The following RAD51B variants were observed in gnomAD, a reference collection of about 807,000 sequenced individuals.
The protein encoded by RAD51B is RAD51 paralog B, also known as DNA repair protein RAD51 homolog 2.
RAD51B carries 38 observed loss-of-function variants against 42.2 expected under a neutral mutation model. That is an observed-to-expected ratio of 0.90 (90% CI 0.70 to 1.18). RAD51B has a LOEUF of 1.18. Ranked by LOEUF, RAD51B falls within the 50% of genes most tolerant of loss-of-function variation. The pLI, the probability that RAD51B is intolerant of heterozygous loss-of-function variation, is 0.00. For missense variants in RAD51B, 373 were observed against 400.7 expected (o/e 0.93, Z 0.59); for synonymous variants, 154 against 145.2 (o/e 1.06, Z -0.43).
At chr14:68,264,380 C>T (rs1002268949) in intron 7 of RAD51B, among the ~76,000 whole-genome samples, 1 of 152,210 alleles carries the variant, frequency 6.6e-6, no homozygotes, top group Non-Finnish European at 1.5e-5. Flanking sequence ...AGACTCCTGA[C>T]GGTATCCAAG....
intron 8 of RAD51B, among the ~76,000 whole-genome samples, chr14:68,392,971 G>A (rs1406542550): frequency 6.6e-6 from 1 of 152,182 alleles, no homozygotes; most frequent in East Asian, 1.9e-4. Context: ...TTTAGTTCCA[G>A]TTCTGCCTCT....
intron 7 of RAD51B, among the ~76,000 whole-genome samples, chr14:68,010,151 C>T (rs1246557943): frequency 6.6e-6 from 1 of 151,882 alleles, no homozygotes; most frequent in South Asian, 2.1e-4. Context: ...TCCCATAATC[C>T]ATTGAATTAA....
chr14:68,569,177 C>G (rs1889569842), intron 10 of RAD51B, among the ~76,000 whole-genome samples: 1 of 152,190 alleles, frequency 6.6e-6, no homozygotes, highest in African/African-American at 2.4e-5. Context: ...CGGGAAAGTC[C>G]CTGCAGGGAG....
chr14:68,019,748 A>T (rs893849267), intron 7 of RAD51B, among the ~76,000 whole-genome samples: 1 of 152,214 alleles, frequency 6.6e-6, no homozygotes, highest in African/African-American at 2.4e-5. Context: ...ATGACTGCGT[A>T]TAACAAAAAA....
At chr14:68,664,450 C>G (rs547901214) in intron 11 of RAD51B, among the ~76,000 whole-genome samples, 1 of 152,182 alleles carries the variant, frequency 6.6e-6, no homozygotes, top group South Asian at 2.1e-4. Context: ...AAAGCTAAAT[C>G]TGAAAGAGGT....
intron 7 of RAD51B, among the ~76,000 whole-genome samples, chr14:68,122,733 G>A (rs1348793902): frequency 6.6e-6 from 1 of 152,146 alleles, no homozygotes; most frequent in Non-Finnish European, 1.5e-5. Context: ...ACTGACATAA[G>A]TATAGTTATT....
intron 7 of RAD51B, among the ~76,000 whole-genome samples, chr14:68,219,660 C>T (rs1056454511): frequency 6.6e-6 from 1 of 152,088 alleles, no homozygotes; most frequent in East Asian, 1.9e-4. Flanking sequence ...AAGGGAGCAC[C>T]CCGTGTCCCA....
intron 10 of RAD51B, among the ~76,000 whole-genome samples, chr14:68,573,005 G>A (rs1187826636): frequency 2.0e-5 from 3 of 152,138 alleles, no homozygotes; most frequent in Non-Finnish European, 4.4e-5. Flanking sequence ...ATATGTGATG[G>A]AGTCGGGGAA....
rs1411275419 is a variant in RAD51B, at chr14:68,565,457, T to A, written c.1037-29028T>A. Among the ~76,000 whole-genome samples, 1 of 152,190 alleles carries A rather than the reference T, an allele frequency of 6.6e-6. No individual in the cohort carries two copies. Among genetic ancestry groups the A allele is most frequent in the Middle Eastern group, 3.2e-3 (1 of 316 alleles). ...TCTGTTTGGAGTTTTGCACAGCCCT[T>A]TAAGAGGAGACTTCAGAGTGAGACT... On this transcript the variant is annotated intron_variant, in intron 10 of 10. Coordinates refer to the RAD51B transcript ENST00000487270. The surrounding 1 kb of genome is among the most constrained non-coding windows in gnomAD (Gnocchi z 4.1).
At chr14:68,349,377 A>AT (rs1365549402) in intron 8 of RAD51B, among the ~76,000 whole-genome samples, 2 of 151,064 alleles carry the variant, frequency 1.3e-5, no homozygotes, top group Non-Finnish European at 3.0e-5. Flanking sequence ...TTATTTTTTC[A>AT]TTTTTTTTGG....
intron 9 of RAD51B, among the ~76,000 whole-genome samples, chr14:68,426,316 T>C (rs1419939708): frequency 6.6e-6 from 1 of 151,542 alleles, no homozygotes; most frequent in Non-Finnish European, 1.5e-5. Flanking sequence ...CCTCAGGTGA[T>C]CCACCCACCT....
At chr14:68,341,405 C>T (rs1261856060) in intron 8 of RAD51B, among the ~76,000 whole-genome samples, 1 of 151,976 alleles carries the variant, frequency 6.6e-6, no homozygotes, top group Non-Finnish European at 1.5e-5. Context: ...GAAGTCTGAA[C>T]CTTATTTTCT....
intron 10 of RAD51B, among the ~76,000 whole-genome samples, chr14:68,522,621 T>A (rs987081299): frequency 6.6e-6 from 1 of 152,134 alleles, no homozygotes; most frequent in Admixed American, 6.5e-5. Flanking sequence ...TTACCTCCAT[T>A]CCAGTTAGGA....
intron 7 of RAD51B, among the ~76,000 whole-genome samples, chr14:67,939,206 G>T (rs1274314844): frequency 6.6e-6 from 1 of 151,784 alleles, no homozygotes; most frequent in African/African-American, 2.4e-5. Context: ...ACTCTTCCCC[G>T]CCCCTGCCCC....
intron 8 of RAD51B, among the ~76,000 whole-genome samples, chr14:68,310,267 C>A (rs910463744): frequency 6.6e-6 from 1 of 152,098 alleles, no homozygotes; most frequent in African/African-American, 2.4e-5. Flanking sequence ...AGATCAGATA[C>A]CCTGCTCACT....
chr14:68,585,367 C>T (rs1015797163), intron 10 of RAD51B, among the ~76,000 whole-genome samples: 2 of 152,204 alleles, frequency 1.3e-5, no homozygotes, highest in Admixed American at 6.5e-5. Flanking sequence ...CATTATCCCT[C>T]GCATTTCCAT....
intron 10 of RAD51B, among the ~76,000 whole-genome samples, chr14:68,472,473 G>T (rs1314151140): frequency 2.0e-5 from 3 of 152,150 alleles, no homozygotes. Flanking sequence ...AGGAAGGGGA[G>T]GTCCAGGGGA....
At position 68,180,432 on chromosome 14, in the gene RAD51B, A is replaced by T. The variant is rs1048362151; in HGVS notation, c.757-111452A>T. Among the ~76,000 whole-genome samples the T allele has an allele frequency of 7.2e-5, 11 of 152,160 alleles. No homozygotes were observed. In the South Asian group the frequency reaches 1.7e-3, roughly 23 times the overall value. On this transcript the variant is annotated intron_variant, in intron 7 of 10. Coordinates refer to ENST00000471583, the MANE Select transcript of RAD51B (RefSeq NM_133510.4). ...TTAGAGAGGGCCGGGGTAGAGGAGTACTCTTTTTAAGAAAAGTAGTTGACT... is the reference window on the plus strand; with the variant it reads ...TTAGAGAGGGCCGGGGTAGAGGAGTTCTCTTTTTAAGAAAAGTAGTTGACT...
intron 8 of RAD51B, among the ~76,000 whole-genome samples, chr14:68,296,324 A>G (rs1008298398): frequency 1.3e-5 from 2 of 152,120 alleles, no homozygotes; most frequent in Non-Finnish European, 2.9e-5. Flanking sequence ...GAGTCACAGT[A>G]TTTTCTTCTT....
Sources: gnomAD v4.1 joint callset for allele counts (sites outside exome capture counted in the v4.1 genomes callset) on GRCh38, gnomAD v4.1.1 for gene constraint, Gnocchi (gnomAD v3.1) non-coding constraint, MANE v1.5 for transcripts, NCBI Gene and HGNC (gene_info 2026-07-23, HGNC 2026-07-21) for gene names.